Variants in LHFPL3 observed in about 807,000 individuals in gnomAD.
The protein encoded by LHFPL3 is LHFPL tetraspan subfamily member 3.
Under a neutral mutation model 19.3 loss-of-function variants are expected in LHFPL3, and 5 were observed. The ratio of observed to expected loss-of-function variants is 0.26; its 90% CI spans 0.14 to 0.54. The LOEUF is 0.54. LHFPL3 is among the 20% of genes least tolerant of loss of function. The pLI is 0.94. For missense variants in LHFPL3, 249 were observed against 307.4 expected, an observed-to-expected ratio of 0.81 and a Z score of 1.42; for synonymous variants, 133 against 126.2, an observed-to-expected ratio of 1.05 and a Z score of -0.36.
chr7:104,744,101 C>T (rs1410771029), intron 2 of LHFPL3: 2 of 151,976 alleles, frequency 1.3e-5, no homozygotes, highest in South Asian at 2.1e-4. Context: ...ATCCACTTGC[C>T]TCAGCCTTCC....
intron 1 of LHFPL3, among the ~76,000 whole-genome samples, chr7:104,365,816 T>C (rs1020167449): frequency 7.3e-6 from 1 of 137,666 alleles, no homozygotes; most frequent in Non-Finnish European, 1.6e-5. Context: ...GAAAAGCCTC[T>C]TTCCAGCTAG....
At chr7:104,507,360 G>T (rs1451810784) in intron 1 of LHFPL3, among the ~76,000 whole-genome samples, 1 of 146,736 alleles carries the variant, frequency 6.8e-6, no homozygotes, top group Non-Finnish European at 1.5e-5. Context: ...ACTGGGGAAA[G>T]GATTCCCTAT....
At chr7:104,881,917 C>G (rs548446422) in intron 2 of LHFPL3, among the ~76,000 whole-genome samples, 35 of 152,110 alleles carry the variant, frequency 2.3e-4, no homozygotes, top group African/African-American at 7.2e-4. Flanking sequence ...AGCAAAAATT[C>G]GTTCATTAAT....
Position 104,554,675 on chromosome 7 carries a change from A to ATAGATAGATAGATAGATAGT in LHFPL3, c.446-181984_446-181983insTAGTTAGATAGATAGATAGA, listed in dbSNP as rs1554406544. On this transcript the variant is annotated intron_variant, in intron 1 of 2. Coordinates refer to ENST00000424859, the MANE Select transcript of LHFPL3 (RefSeq NM_199000.3). ...GATAGATAGATAGATAGATAGATAG[A>ATAGATAGATAGATAGATAGT]TAGATAGATAGATAGACAGACAGAT... Among the ~76,000 whole-genome samples, 481 of 151,280 alleles carry ATAGATAGATAGATAGATAGT rather than the reference A, an allele frequency of 3.2e-3. 4 individuals are homozygous for ATAGATAGATAGATAGATAGT. The highest frequency in any genetic ancestry group is 0.013 in the East Asian group (65 of 5,130).
chr7:104,878,626 C>G (rs1218299094), intron 2 of LHFPL3, among the ~76,000 whole-genome samples: 1 of 152,118 alleles, frequency 6.6e-6, no homozygotes, highest in African/African-American at 2.4e-5. Flanking sequence ...AATTAATAAG[C>G]CTACTTAAGT....
At chr7:104,387,011 A>G (rs773969991) in intron 1 of LHFPL3, among the ~76,000 whole-genome samples, 1 of 152,182 alleles carries the variant, frequency 6.6e-6, no homozygotes, top group Non-Finnish European at 1.5e-5. Context: ...AAAGCAGTTA[A>G]TAGAAACTAT....
chr7:104,622,316 T>C (rs1024629273), intron 1 of LHFPL3, among the ~76,000 whole-genome samples: 1 of 152,172 alleles, frequency 6.6e-6, no homozygotes, highest in African/African-American at 2.4e-5. Flanking sequence ...TTTTGCCATG[T>C]GGCCCAGGCT....
chr7:104,374,220 G>A (rs1446618090), intron 1 of LHFPL3, among the ~76,000 whole-genome samples: 6 of 151,632 alleles, frequency 4.0e-5, no homozygotes. Flanking sequence ...GTGTGTGTGT[G>A]TGTGTGTGTG....
chr7:104,591,181 G>A (rs188677057), intron 1 of LHFPL3, among the ~76,000 whole-genome samples: 307 of 152,228 alleles, frequency 2.0e-3, no homozygotes, highest in South Asian at 2.9e-3. Context: ...TATTTTGCTC[G>A]TTAGTTGATA....
intron 1 of LHFPL3, among the ~76,000 whole-genome samples, chr7:104,382,437 A>G (rs1362820946): frequency 1.3e-5 from 2 of 152,206 alleles, no homozygotes; most frequent in Admixed American, 6.5e-5. Context: ...GCTGTGAGCC[A>G]AGATGCTTTT....
In LHFPL3 at chr7:104,633,885, C is replaced by T. The variant is rs1791688168; in HGVS notation, c.446-102790C>T. ...TCATTTTCCCCCTACCCATCCTCCACCCTATTTCCTTGCTACCCATTTTGT... is the reference window on the plus strand; with the variant it reads ...TCATTTTCCCCCTACCCATCCTCCATCCTATTTCCTTGCTACCCATTTTGT... On this transcript the variant is annotated intron_variant, in intron 1 of 2. Coordinates refer to ENST00000424859, the MANE Select transcript of LHFPL3 (RefSeq NM_199000.3). 2.6e-5 allele frequency among the ~76,000 whole-genome samples: 4 copies of T among 152,200 alleles called. No individual in the cohort carries two copies. In the South Asian group the frequency reaches 8.3e-4, roughly 32 times the overall value.
chr7:104,795,060 G>T (rs1474047349), intron 2 of LHFPL3, among the ~76,000 whole-genome samples: 6 of 152,122 alleles, frequency 3.9e-5, no homozygotes, highest in Non-Finnish European at 5.9e-5. Flanking sequence ...AGCGTCTAAA[G>T]TCCCCTAGAA....
At chr7:104,602,806 T>A (rs932203502) in intron 1 of LHFPL3, among the ~76,000 whole-genome samples, 6 of 152,164 alleles carry the variant, frequency 3.9e-5, no homozygotes, top group African/African-American at 1.2e-4. Flanking sequence ...AGTACTAGCA[T>A]CTAGTGAGGA....
At chr7:104,522,798 G>C (rs1290231337) in intron 1 of LHFPL3, among the ~76,000 whole-genome samples, 1 of 152,128 alleles carries the variant, frequency 6.6e-6, no homozygotes, top group African/African-American at 2.4e-5. Flanking sequence ...TTTGATCAGG[G>C]CCTTGAAACA....
intron 1 of LHFPL3, among the ~76,000 whole-genome samples, chr7:104,580,442 TCTTTC>T (rs1790439451): frequency 6.6e-6 from 1 of 152,174 alleles, no homozygotes; most frequent in Admixed American, 6.6e-5. Context: ...TTATCAGGTA[TCTTTC>T]CTTCTATCCA....
At chr7:104,369,029 C>T (rs778237607) in intron 1 of LHFPL3, among the ~76,000 whole-genome samples, 13 of 152,118 alleles carry the variant, frequency 8.5e-5, no homozygotes, top group Non-Finnish European at 1.3e-4. Flanking sequence ...CTCCGGGAGA[C>T]GTAAACCATA....
chr7:104,594,080 G>A (rs910056152), intron 1 of LHFPL3, among the ~76,000 whole-genome samples: 1 of 152,186 alleles, frequency 6.6e-6, no homozygotes, highest in African/African-American at 2.4e-5. Flanking sequence ...CTGTCATTAT[G>A]ATGTTAGCTG....
chr7:104,889,079 T>A (rs1015426000), intron 2 of LHFPL3, among the ~76,000 whole-genome samples: 2 of 152,026 alleles, frequency 1.3e-5, no homozygotes, highest in African/African-American at 4.8e-5. Context: ...AAAATCAAAA[T>A]TGGGAGAGAA....
rs6977658 is a variant in LHFPL3, at chr7:104,438,275, G to A, written c.445+109051G>A. Among the ~76,000 whole-genome samples the A allele has an allele frequency of 6.6e-3, 989 of 149,712 alleles. 9 individuals are homozygous for A. Among genetic ancestry groups the A allele is most frequent in the African/African-American group, 0.024 (931 of 39,344 alleles). On this transcript the variant is annotated intron_variant, in intron 1 of 2. Coordinates refer to ENST00000424859, the MANE Select transcript of LHFPL3 (RefSeq NM_199000.3). ...TGCTGCATCAGCTTGGCTGTGCAAC[G>A]AATGAATTTCACATGTGGTGTTTTC...
Sources: allele counts gnomAD v4.1 joint callset (sites outside exome capture counted in the v4.1 genomes callset), GRCh38; gene constraint gnomAD v4.1.1; transcripts MANE v1.5; gene names NCBI Gene and HGNC (gene_info 2026-07-23, HGNC 2026-07-21).